The following KCNIP4 variants were observed in gnomAD, a reference collection of about 807,000 sequenced individuals.
KCNIP4 encodes potassium voltage-gated channel interacting protein 4, also known as Kv channel-interacting protein 4.
In KCNIP4, 12 loss-of-function variants were observed where a neutral mutation model predicts 34.0. The observed-to-expected ratio is 0.35, with a 90% CI of 0.23 to 0.57. The LOEUF (loss-of-function observed/expected upper bound fraction) is 0.57. KCNIP4 is among the 20% of genes least tolerant of loss of function. The pLI is 0.83. For missense variants in KCNIP4, 238 were observed against 311.7 expected (o/e 0.76, Z 1.78); for synonymous variants, 124 against 102.2 (o/e 1.21, Z -1.29).
In KCNIP4 at chr4:20,746,332, C is replaced by T. The variant is rs185059257; in HGVS notation, c.429+3330G>A. On this transcript the variant is annotated intron_variant, in intron 5 of 8. Coordinates refer to ENST00000382152, the MANE Select transcript of KCNIP4 (RefSeq NM_025221.6). Reference sequence around the variant, plus strand: ...CTGGGAATTGAACAATGAGAACACACGGACATAGGAAGGGGAACATCACAC... The same window carrying T: ...CTGGGAATTGAACAATGAGAACACATGGACATAGGAAGGGGAACATCACAC... Among the ~76,000 whole-genome samples the T allele has an allele frequency of 2.8e-3, 421 of 151,242 alleles. 3 individuals are homozygous for T. The highest frequency in any genetic ancestry group is 9.8e-3 in the African/African-American group (404 of 41,160).
chr4:20,830,509 G>C (rs1315065370), intron 3 of KCNIP4, among the ~76,000 whole-genome samples: 1 of 152,076 alleles, frequency 6.6e-6, no homozygotes, highest in Non-Finnish European at 1.5e-5. Flanking sequence ...GGAATCCTAG[G>C]CTGTGATTTT....
intron 1 of KCNIP4, among the ~76,000 whole-genome samples, chr4:21,764,103 A>C (rs1319970997): frequency 1.3e-5 from 2 of 152,174 alleles, no homozygotes; most frequent in African/African-American, 4.8e-5. Flanking sequence ...TTAGTATAGA[A>C]GCTTCAGAGA....
intron 2 of KCNIP4, among the ~76,000 whole-genome samples, chr4:20,863,704 C>T (rs1319503559): frequency 1.3e-5 from 2 of 151,986 alleles, no homozygotes; most frequent in African/African-American, 4.8e-5. Flanking sequence ...ATCTCTTTCA[C>T]TGTCATGATT....
chr4:21,127,370 T>A (rs1157818003), intron 1 of KCNIP4, among the ~76,000 whole-genome samples: 1 of 152,236 alleles, frequency 6.6e-6, no homozygotes, highest in African/African-American at 2.4e-5. Context: ...TGGGGTTTGC[T>A]TTTGTGACAA....
intron 3 of KCNIP4, among the ~76,000 whole-genome samples, chr4:20,804,303 C>T (rs568223984): frequency 2.0e-5 from 3 of 152,254 alleles, no homozygotes; most frequent in African/African-American, 7.2e-5. Flanking sequence ...TGTTAGCACT[C>T]TCTTCTCCTT....
chr4:21,717,766 C>T (rs1714496586), intron 1 of KCNIP4, among the ~76,000 whole-genome samples: 1 of 152,184 alleles, frequency 6.6e-6, no homozygotes, highest in Non-Finnish European at 1.5e-5. Context: ...TGATCACTGT[C>T]ATTTTCATTG....
intron 1 of KCNIP4, among the ~76,000 whole-genome samples, chr4:21,250,131 T>C (rs556961567): frequency 5.0e-4 from 75 of 150,586 alleles, no homozygotes; most frequent in Non-Finnish European, 6.8e-4. Flanking sequence ...TTTTTTTTTT[T>C]CCCCCAGGAA....
chr4:21,505,070 G>A (rs1022237612), intron 1 of KCNIP4, among the ~76,000 whole-genome samples: 3 of 152,060 alleles, frequency 2.0e-5, no homozygotes, highest in African/African-American at 7.2e-5. Context: ...GAGTGATGAT[G>A]GTATCATATA....
At chr4:20,744,674 G>C (rs1471977647) in intron 5 of KCNIP4, among the ~76,000 whole-genome samples, 1 of 152,086 alleles carries the variant, frequency 6.6e-6, no homozygotes, top group Admixed American at 6.5e-5. Context: ...TGTAAATGAC[G>C]TGTTAATGGG....
intron 1 of KCNIP4, among the ~76,000 whole-genome samples, chr4:21,167,139 T>C (rs1222590271): frequency 6.6e-6 from 1 of 151,720 alleles, no homozygotes; most frequent in African/African-American, 2.4e-5. Flanking sequence ...TTATGTAAAA[T>C]TGTCAAAACA....
intron 1 of KCNIP4, among the ~76,000 whole-genome samples, chr4:21,003,945 T>G (rs774168357): frequency 6.6e-6 from 1 of 152,228 alleles, no homozygotes; most frequent in Non-Finnish European, 1.5e-5. Context: ...AATGAAAAAG[T>G]ACAAACCAGG....
intron 1 of KCNIP4, among the ~76,000 whole-genome samples, chr4:21,171,720 G>C (rs1754033841): frequency 6.6e-6 from 1 of 152,116 alleles, no homozygotes; most frequent in South Asian, 2.1e-4. Flanking sequence ...TGTAGAATAG[G>C]AATAGTCATA....
intron 1 of KCNIP4, among the ~76,000 whole-genome samples, chr4:21,356,838 A>C (rs193058758): frequency 7.2e-5 from 11 of 152,324 alleles, no homozygotes; most frequent in Admixed American, 2.0e-4. Context: ...CAGGGAACCA[A>C]AAAAGAGCCC....
chr4:20,884,706 CTT>C (rs975286527), intron 1 of KCNIP4, among the ~76,000 whole-genome samples: 26 of 125,674 alleles, frequency 2.1e-4, no homozygotes, highest in African/African-American at 3.8e-4. Flanking sequence ...CCAGTGCAGC[CTT>C]TTTTTTTTTT....
chr4:21,497,169 C>G (rs1732919966), intron 1 of KCNIP4, among the ~76,000 whole-genome samples: 1 of 152,148 alleles, frequency 6.6e-6, no homozygotes, highest in African/African-American at 2.4e-5. Context: ...TTCACATGAA[C>G]TATGATGTAA....
intron 1 of KCNIP4, among the ~76,000 whole-genome samples, chr4:21,558,758 C>T (rs986833150): frequency 2.0e-5 from 3 of 152,050 alleles, no homozygotes; most frequent in African/African-American, 7.2e-5. Flanking sequence ...GCCATTACAA[C>T]AGACTAATTG....
intron 1 of KCNIP4, among the ~76,000 whole-genome samples, chr4:21,268,259 T>A (rs1761937928): frequency 6.6e-6 from 1 of 152,178 alleles, no homozygotes; most frequent in Non-Finnish European, 1.5e-5. Context: ...TCTGTGTATT[T>A]TGAAATGACT....
At chr4:20,978,133 G>A (rs1735667897) in intron 1 of KCNIP4, among the ~76,000 whole-genome samples, 1 of 152,130 alleles carries the variant, frequency 6.6e-6, no homozygotes, top group Non-Finnish European at 1.5e-5. Context: ...ACTCATTGTT[G>A]GTTATCTTAA....
chr4:21,453,764 A>C (rs1728702236), intron 1 of KCNIP4, among the ~76,000 whole-genome samples: 1 of 152,070 alleles, frequency 6.6e-6, no homozygotes. Context: ...ATGTCTTCTT[A>C]AATTGCCAGA....
Sources: allele counts gnomAD v4.1 joint callset (sites outside exome capture counted in the v4.1 genomes callset), GRCh38; gene constraint gnomAD v4.1.1; transcripts MANE v1.5; gene names NCBI Gene and HGNC (gene_info 2026-07-23, HGNC 2026-07-21).